Variants in WWOX observed in about 807,000 individuals in gnomAD.
The protein encoded by WWOX is WW domain containing oxidoreductase, also known as WW domain-containing oxidoreductase.
In WWOX, 69 loss-of-function variants were observed where a neutral mutation model predicts 46.2. The ratio of observed to expected loss-of-function variants is 1.49; its 90% confidence interval spans 1.23 to 1.82. The LOEUF (loss-of-function observed/expected upper bound fraction) is 1.82. Among genes scored for constraint, WWOX ranks in the 40% most tolerant of loss-of-function variants. WWOX has a pLI of 0.00. For missense variants in WWOX, 919 were observed against 542.6 expected (o/e 1.69, Z -6.89); for synonymous variants, 359 against 202.6 (o/e 1.77, Z -6.56).
intron 8 of WWOX, among the ~76,000 whole-genome samples, chr16:78,470,060 A>T (rs2084184650): frequency 6.6e-6 from 1 of 152,198 alleles, no homozygotes; most frequent in South Asian, 2.1e-4. Flanking sequence ...AAGATCCATA[A>T]TGACTCTTGC....
intron 8 of WWOX, among the ~76,000 whole-genome samples, chr16:79,129,814 A>T (rs568446783): frequency 6.6e-6 from 1 of 152,164 alleles, no homozygotes. Flanking sequence ...GAGCTCATGG[A>T]CCAGTCGAAG....
intron 5 of WWOX, among the ~76,000 whole-genome samples, chr16:78,182,445 G>T (rs1004415216): frequency 6.6e-6 from 1 of 151,846 alleles, no homozygotes; most frequent in Non-Finnish European, 1.5e-5. Flanking sequence ...TATGTCCTCT[G>T]CTTGGAAGGG....
intron 8 of WWOX, among the ~76,000 whole-genome samples, chr16:79,084,271 C>T (rs964550151): frequency 6.6e-6 from 1 of 152,034 alleles, no homozygotes; most frequent in African/African-American, 2.4e-5. Flanking sequence ...TGTGCTAGAG[C>T]TGTACAAAGA....
chr16:79,163,943 G>T (rs1382262188), intron 8 of WWOX, among the ~76,000 whole-genome samples: 1 of 150,006 alleles, frequency 6.7e-6, no homozygotes, highest in Non-Finnish European at 1.5e-5. Context: ...GCCGTTTCTA[G>T]CCCAGCCCAC....
chr16:78,833,899 C>G (rs1278053137), intron 8 of WWOX, among the ~76,000 whole-genome samples: 1 of 152,252 alleles, frequency 6.6e-6, no homozygotes, highest in African/African-American at 2.4e-5. Flanking sequence ...CACTTTGTCT[C>G]CCAGTGGAAT....
intron 5 of WWOX, among the ~76,000 whole-genome samples, chr16:78,320,192 G>T (rs1248158822): frequency 6.6e-6 from 1 of 152,170 alleles, no homozygotes; most frequent in Non-Finnish European, 1.5e-5. Context: ...TTCCTTGCAT[G>T]TACGAGCAAA....
intron 8 of WWOX, among the ~76,000 whole-genome samples, chr16:79,160,574 T>C (rs2050465944): frequency 6.6e-6 from 1 of 152,212 alleles, no homozygotes; most frequent in Non-Finnish European, 1.5e-5. Flanking sequence ...GGAGGCATTA[T>C]GGATGCATTT....
intron 5 of WWOX, among the ~76,000 whole-genome samples, chr16:78,200,419 A>AG (rs905440913): frequency 6.6e-6 from 1 of 151,112 alleles, no homozygotes; most frequent in African/African-American, 2.4e-5. Flanking sequence ...AATAAAAAAA[A>AG]GTTTGGTTTA....
intron 8 of WWOX, among the ~76,000 whole-genome samples, chr16:79,186,592 T>G (rs543804943): frequency 6.6e-6 from 1 of 152,330 alleles, no homozygotes; most frequent in African/African-American, 2.4e-5. Context: ...CATGTCTATT[T>G]CCAAGTAACG....
Position 78,915,364 on chromosome 16 carries a change from C to T in WWOX, c.1057-296244C>T, listed in dbSNP as rs148495014. Among the ~76,000 whole-genome samples, 60 of 152,262 alleles carry T rather than the reference C, an allele frequency of 3.9e-4. 1 individual carries two copies. The East Asian group carries it at 0.01, about 25-fold the overall frequency. ...TCTGCGATTCAAAAGACCCCTTTCA[C>T]GGGAGGCTGGGAGATTTTTCCATCT... On this transcript the variant is annotated intron_variant, in intron 8 of 8. Coordinates refer to ENST00000566780, the MANE Select transcript of WWOX (RefSeq NM_016373.4).
intron 8 of WWOX, among the ~76,000 whole-genome samples, chr16:78,944,107 G>T (rs994591575): frequency 6.6e-6 from 1 of 152,114 alleles, no homozygotes. Flanking sequence ...GTTTGTTTGG[G>T]GGTTTTTTGC....
At chr16:78,357,114 C>T (rs1208389592) in intron 5 of WWOX, among the ~76,000 whole-genome samples, 1 of 152,200 alleles carries the variant, frequency 6.6e-6, no homozygotes, top group African/African-American at 2.4e-5. Context: ...ACCTTCCTTT[C>T]TCAGAGCCTT....
chr16:78,332,414 C>A, intron 5 of WWOX, among the ~76,000 whole-genome samples: 1 of 152,302 alleles, frequency 6.6e-6, no homozygotes, highest in Non-Finnish European at 1.5e-5. Context: ...GGACACTCCT[C>A]CAGCGGAGTA....
chr16:78,189,494 T>A (rs978010139), intron 5 of WWOX, among the ~76,000 whole-genome samples: 2 of 152,206 alleles, frequency 1.3e-5, no homozygotes, highest in Non-Finnish European at 2.9e-5. Context: ...CAGAGACAAC[T>A]GAAGACAGTT....
intron 8 of WWOX, among the ~76,000 whole-genome samples, chr16:78,678,281 C>G (rs1466296195): frequency 1.3e-5 from 2 of 152,138 alleles, no homozygotes; most frequent in African/African-American, 4.8e-5. Context: ...GAGGCTGAGA[C>G]AGGAGGATCG....
chr16:78,104,904 G>C (rs1213504518), intron 1 of WWOX, among the ~76,000 whole-genome samples: 1 of 152,306 alleles, frequency 6.6e-6, no homozygotes, highest in African/African-American at 2.4e-5. Context: ...AGGAAACTGA[G>C]GCATGGGATT....
At chr16:78,880,624 C>G (rs1032051029) in intron 8 of WWOX, among the ~76,000 whole-genome samples, 1 of 152,200 alleles carries the variant, frequency 6.6e-6, no homozygotes. Context: ...CATCTTCATT[C>G]CCTTTGCTCC....
chr16:79,125,591 G>A (rs1388904152), intron 8 of WWOX, among the ~76,000 whole-genome samples: 1 of 151,930 alleles, frequency 6.6e-6, no homozygotes, highest in East Asian at 1.9e-4. Context: ...AATGTAGCTG[G>A]ACCCTTGGGA....
intron 8 of WWOX, among the ~76,000 whole-genome samples, chr16:79,023,600 T>G (rs967437258): frequency 6.6e-6 from 1 of 152,088 alleles, no homozygotes; most frequent in Non-Finnish European, 1.5e-5. Context: ...GAATGACGTT[T>G]TGGTCTGTGC....
Sources: gnomAD v4.1 joint callset for allele counts (sites outside exome capture counted in the v4.1 genomes callset) on GRCh38, gnomAD v4.1.1 for gene constraint, MANE v1.5 for transcripts, NCBI Gene and HGNC (gene_info 2026-07-23, HGNC 2026-07-21) for gene names.